IL15: variants seen among roughly 807,000 people sequenced by gnomAD.
IL15 encodes the protein interleukin 15, also known as interleukin-15.
A neutral mutation model predicts 19.6 loss-of-function variants in IL15; 11 were observed. The observed-to-expected ratio is 0.56, with a 90% CI of 0.35 to 0.93. The LOEUF (loss-of-function observed/expected upper bound fraction) is 0.93. Ranked by LOEUF, IL15 falls within the 40% of genes least tolerant of loss-of-function variation. The pLI is 0.01. For missense variants in IL15, 197 were observed against 186.5 expected (o/e 1.06, Z -0.33); for synonymous variants, 58 against 59.6 (o/e 0.97, Z 0.12).
chr4:141,654,080 T>C (rs1011533358), intron 1 of IL15, among the ~76,000 whole-genome samples: 3 of 152,226 alleles, frequency 2.0e-5, no homozygotes, highest in Non-Finnish European at 2.9e-5. Context: ...GATGGAAATA[T>C]ACATGCGAGA....
chr4:141,652,725 A>C (rs1159524415), intron 1 of IL15, among the ~76,000 whole-genome samples: 2 of 152,172 alleles, frequency 1.3e-5, no homozygotes, highest in Admixed American at 6.5e-5. Flanking sequence ...GAGAAAGAGT[A>C]CTGGAGGATT....
At chr4:141,695,707 T>C (rs1295757584) in intron 2 of IL15, among the ~76,000 whole-genome samples, 2 of 152,124 alleles carry the variant, frequency 1.3e-5, no homozygotes, top group Non-Finnish European at 1.5e-5. Context: ...AGTGCATAAG[T>C]TGTGGCCTCT....
chr4:141,722,907 C>G (rs1057272145), intron 5 of IL15, among the ~76,000 whole-genome samples: 5 of 151,834 alleles, frequency 3.3e-5, no homozygotes, highest in Admixed American at 1.3e-4. Context: ...GGCTCATTAG[C>G]AGAATGAATG....
intron 1 of IL15, among the ~76,000 whole-genome samples, chr4:141,639,108 C>T (rs375161195): frequency 1.3e-5 from 2 of 151,996 alleles, no homozygotes; most frequent in Admixed American, 6.6e-5. Flanking sequence ...TTAAAAACAT[C>T]GTAATAAACT....
At chr4:141,728,036 A>G (rs573821296) in intron 6 of IL15, 52 bp downstream of exon 6, 2 of 869,872 alleles carry the variant, frequency 2.3e-6, no homozygotes, top group Non-Finnish European at 3.7e-6. Context: ...TAAAGTTTTT[A>G]AAAGTATATT....
At chr4:141,657,005 C>T (rs941048051) in intron 2 of IL15, among the ~76,000 whole-genome samples, 1 of 152,058 alleles carries the variant, frequency 6.6e-6, no homozygotes, top group South Asian at 2.1e-4. Context: ...TGCATTGTTA[C>T]ACAATTCTGT....
intron 2 of IL15, among the ~76,000 whole-genome samples, chr4:141,692,245 C>T (rs764011776): frequency 2.6e-5 from 4 of 152,160 alleles, no homozygotes; most frequent in Admixed American, 1.3e-4. Context: ...TGGGCCTGGC[C>T]CACAAAACTG....
At chr4:141,681,445 A>G (rs576903696) in intron 2 of IL15, among the ~76,000 whole-genome samples, 2 of 152,312 alleles carry the variant, frequency 1.3e-5, no homozygotes, top group South Asian at 4.1e-4. Context: ...ATAAATAAAT[A>G]AAAGGGTAAG....
chr4:141,684,623 A>G (rs1296251770), intron 2 of IL15, among the ~76,000 whole-genome samples: 1 of 152,124 alleles, frequency 6.6e-6, no homozygotes, highest in Non-Finnish European at 1.5e-5. Context: ...ACTTGCTATT[A>G]TTATTTATGC....
intron 2 of IL15, among the ~76,000 whole-genome samples, chr4:141,668,894 C>A (rs191809366): frequency 6.6e-6 from 1 of 152,258 alleles, no homozygotes; most frequent in East Asian, 1.9e-4. Context: ...AGCCTAACTT[C>A]GTGCTAAAAA....
chr4:141,657,941 T>C (rs1252911260), intron 2 of IL15, among the ~76,000 whole-genome samples: 1 of 152,252 alleles, frequency 6.6e-6, no homozygotes, highest in East Asian at 1.9e-4. Context: ...CATATAATTT[T>C]ATGTTATACT....
At chr4:141,711,105 A>C (rs1255524094) in intron 2 of IL15, among the ~76,000 whole-genome samples, 1 of 152,178 alleles carries the variant, frequency 6.6e-6, no homozygotes, top group Non-Finnish European at 1.5e-5. Context: ...ATGAGTGTAT[A>C]GTGTCATCAG....
intron 5 of IL15, among the ~76,000 whole-genome samples, chr4:141,724,981 A>C (rs1730211936): frequency 6.6e-6 from 1 of 152,182 alleles, no homozygotes; most frequent in Non-Finnish European, 1.5e-5. Context: ...AAACCAAATA[A>C]AGATATTACT....
intron 1 of IL15, among the ~76,000 whole-genome samples, chr4:141,642,438 G>A (rs569327137): frequency 3.9e-5 from 6 of 152,284 alleles, no homozygotes; most frequent in South Asian, 2.1e-4. Flanking sequence ...GGGATATATA[G>A]TTCAGCCTTC....
chr4:141,722,942 C>A (rs1045215084), intron 5 of IL15, among the ~76,000 whole-genome samples: 4 of 151,850 alleles, frequency 2.6e-5, no homozygotes, highest in African/African-American at 7.3e-5. Flanking sequence ...GTTAATTTGA[C>A]AACAGAATAC....
At chr4:141,652,165 T>C (rs770267284) in intron 1 of IL15, among the ~76,000 whole-genome samples, 6 of 152,130 alleles carry the variant, frequency 3.9e-5, no homozygotes, top group Admixed American at 2.6e-4. Flanking sequence ...AATCTATTTA[T>C]AATAATAGTT....
At chr4:141,680,589 A>G (rs1301972496) in intron 2 of IL15, among the ~76,000 whole-genome samples, 1 of 152,164 alleles carries the variant, frequency 6.6e-6, no homozygotes, top group East Asian at 1.9e-4. Context: ...AAAGCTCAGA[A>G]CCTGGGTGTT....
At chr4:141,700,139 G>A (rs759114185) in intron 2 of IL15, among the ~76,000 whole-genome samples, 6 of 152,108 alleles carry the variant, frequency 3.9e-5, no homozygotes, top group Non-Finnish European at 7.4e-5. Context: ...GGCCAGTCTC[G>A]AGCTCCTGAC....
intron 2 of IL15, among the ~76,000 whole-genome samples, chr4:141,704,422 T>A (rs1017623016): frequency 2.0e-5 from 3 of 152,176 alleles, no homozygotes; most frequent in African/African-American, 7.2e-5. Flanking sequence ...ATGATTTTTT[T>A]AATATGCTGT....
Sources: gnomAD v4.1 joint callset for allele counts (sites outside exome capture counted in the v4.1 genomes callset) on GRCh38, gnomAD v4.1.1 for gene constraint, MANE v1.5 for transcripts, NCBI Gene and HGNC (gene_info 2026-07-23, HGNC 2026-07-21) for gene names.